The following SPIN1 variants were observed in gnomAD, a reference collection of about 807,000 sequenced individuals.
The protein encoded by SPIN1 is spindlin 1.
Under a neutral mutation model 26.0 loss-of-function variants are expected in SPIN1, and 3 were observed. The observed-to-expected ratio is 0.12, with a 90% CI of 0.05 to 0.30. SPIN1 has a LOEUF of 0.30. SPIN1 is among the 10% of genes least tolerant of loss of function. The pLI is 1.00. For synonymous variants in SPIN1, 101 were observed against 116.5 expected, an observed-to-expected ratio of 0.87 and a Z score of 0.86; for missense variants, 126 against 333.4, an observed-to-expected ratio of 0.38 and a Z score of 4.84.
chr9:88,429,969 A>G (rs1438032894), intron 2 of SPIN1, among the ~76,000 whole-genome samples: 1 of 152,184 alleles, frequency 6.6e-6, no homozygotes, highest in Non-Finnish European at 1.5e-5. Context: ...ACAGTATTAC[A>G]GAAGTATAGC....
In SPIN1 at chr9:88,441,414, T is replaced by TGTGTGTGTGTGTGTGTGC; in HGVS notation, c.53-7526_53-7525insTGTGTGTGTGTGTGTGCG. 2.2e-3 allele frequency among the ~76,000 whole-genome samples: 307 copies of TGTGTGTGTGTGTGTGTGC among 141,258 alleles called. 6 individuals are homozygous for TGTGTGTGTGTGTGTGTGC. The highest frequency in any genetic ancestry group is 8.4e-3 in the African/African-American group (290 of 34,384). 92.7% of individuals were successfully genotyped at this position (141,258 alleles called of 152,430 possible). On this transcript the variant is annotated intron_variant, in intron 2 of 5. Transcript: ENST00000375859. Reference sequence around the variant, plus strand: ...GCTGCCATTCGTGTGTGTGTGTGTGTGCGCGCGCGCGCGCCCATGTGTGTG... The same window carrying TGTGTGTGTGTGTGTGTGC: ...GCTGCCATTCGTGTGTGTGTGTGTGTGTGTGTGTGTGTGTGTGCGCGCGCGCGCGCGCCCATGTGTGTG...
intron 3 of SPIN1, among the ~76,000 whole-genome samples, chr9:88,450,171 G>C (rs977234567): frequency 6.6e-6 from 1 of 152,108 alleles, no homozygotes; most frequent in Non-Finnish European, 1.5e-5. Flanking sequence ...ATATGTTTCT[G>C]CTCATTATCA....
rs531911865 is a variant in SPIN1, at chr9:88,454,081, G to A, written c.101+5092G>A. 2.0e-5 allele frequency among the ~76,000 whole-genome samples: 3 copies of A among 152,248 alleles called. 1 individual carries two copies. In the South Asian group the frequency reaches 6.2e-4, roughly 32 times the overall value. ...CTGGAGTTACGAAACAAGAAAAGAG[G>A]TTATAGATGTTTAATTCTGGCTGCA... On this transcript the variant is annotated intron_variant, in intron 3 of 5. Transcript: ENST00000375859.
rs182377441 is a variant in SPIN1, at chr9:88,422,977, G to T, written c.-158-3405G>T. Reference sequence around the variant, plus strand: ...GTCCACCTCGGCCTCCCAAAATGCTGGGATTACAGGCGTGAGCCACCACAC... The same window carrying T: ...GTCCACCTCGGCCTCCCAAAATGCTTGGATTACAGGCGTGAGCCACCACAC... On this transcript the variant is annotated intron_variant, in intron 1 of 5. Transcript: ENST00000375859. Among the ~76,000 whole-genome samples the T allele has an allele frequency of 5.2e-4, 79 of 152,012 alleles. 1 individual carries two copies. Among genetic ancestry groups the T allele is most frequent in the African/African-American group, 1.8e-3 (76 of 41,466 alleles).
chr9:88,428,219 A>G (rs993384022), intron 2 of SPIN1, among the ~76,000 whole-genome samples: 1 of 152,086 alleles, frequency 6.6e-6, no homozygotes, highest in African/African-American at 2.4e-5. Context: ...GTACGTGTTC[A>G]GGTTTGTTAC....
intron 4 of SPIN1, among the ~76,000 whole-genome samples, chr9:88,467,962 C>A (rs924108696): frequency 6.6e-6 from 1 of 151,814 alleles, no homozygotes; most frequent in Non-Finnish European, 1.5e-5. Context: ...GAACCGTATA[C>A]AGGAACTCTA....
chr9:88,421,360 T>TGGCTCGATCATGGCTCACTGCAGC (rs778345673), intron 1 of SPIN1, among the ~76,000 whole-genome samples: 2 of 152,126 alleles, frequency 1.3e-5, no homozygotes, highest in Non-Finnish European at 1.5e-5. Flanking sequence ...CGAAGTGCAG[T>TGGCTCGATCATGGCTCACTGCAGC]GGCTCGATCA....
chr9:88,405,113 T>G (rs912426378), intron 1 of SPIN1, among the ~76,000 whole-genome samples: 7 of 152,180 alleles, frequency 4.6e-5, no homozygotes, highest in African/African-American at 1.4e-4. Context: ...GTTAACTTTT[T>G]TTATAAATAA....
In SPIN1 at chr9:88,441,414, T is replaced by TGTGTGTGTGTGTGTGTGTGTGTGTGC; in HGVS notation, c.53-7526_53-7525insTGTGTGTGTGTGTGTGTGTGTGTGCG. 1.8e-3 allele frequency among the ~76,000 whole-genome samples: 260 copies of TGTGTGTGTGTGTGTGTGTGTGTGTGC among 141,242 alleles called. 5 individuals carry two copies. The highest frequency in any genetic ancestry group is 6.3e-3 in the African/African-American group (215 of 34,368). The allele number at this position is 141,242 out of a possible 152,430, so 92.7% of individuals were successfully genotyped here. ...GCTGCCATTCGTGTGTGTGTGTGTG[T>TGTGTGTGTGTGTGTGTGTGTGTGTGC]GCGCGCGCGCGCGCCCATGTGTGTG... On this transcript the variant is annotated intron_variant, in intron 2 of 5. Transcript: ENST00000375859.
chr9:88,414,021 T>G (rs1827509689), intron 1 of SPIN1, among the ~76,000 whole-genome samples: 1 of 133,306 alleles, frequency 7.5e-6, no homozygotes, highest in Non-Finnish European at 1.5e-5. Flanking sequence ...TACTTATAGT[T>G]TATTATAGCA....
At position 88,475,619 on chromosome 9, in the gene SPIN1, A is replaced by C. The variant is rs1828875646; in HGVS notation, c.*342A>C. The C allele has an allele frequency of 4.8e-6, 1 of 209,438 alleles. No individual in the cohort carries two copies. Among genetic ancestry groups the C allele is most frequent in the Admixed American group, 5.2e-5 (1 of 19,202 alleles). 13.0% of individuals were successfully genotyped at this position (209,438 alleles called of 1,614,324 possible). ...CTCTCTTATTCTGCCGCCACAATGC[A>C]AGCATAGTTTGATGTTTTCGTTATT... On this transcript the variant is annotated 3_prime_UTR_variant, in exon 6 of 6. Coordinates refer to ENST00000375859, the MANE Select transcript of SPIN1 (RefSeq NM_006717.3).
chr9:88,404,198 G>A (rs1178410735), intron 1 of SPIN1, among the ~76,000 whole-genome samples: 1 of 152,234 alleles, frequency 6.6e-6, no homozygotes, highest in Non-Finnish European at 1.5e-5. Context: ...TTGCAGGATT[G>A]GAAGTTGCTC....
At chr9:88,405,813 T>C (rs1232351417) in intron 1 of SPIN1, among the ~76,000 whole-genome samples, 2 of 151,856 alleles carry the variant, frequency 1.3e-5, no homozygotes, top group African/African-American at 2.4e-5. Flanking sequence ...CACTAGACAA[T>C]AGGAATTTTT....
chr9:88,455,200 C>G (rs1828447992), intron 3 of SPIN1, among the ~76,000 whole-genome samples: 1 of 152,216 alleles, frequency 6.6e-6, no homozygotes, highest in African/African-American at 2.4e-5. Context: ...CGCGGTGGCT[C>G]ACACCTGTAA....
chr9:88,399,103 C>T (rs1375557696), intron 1 of SPIN1, among the ~76,000 whole-genome samples: 1 of 150,984 alleles, frequency 6.6e-6, no homozygotes, highest in African/African-American at 2.4e-5. Flanking sequence ...ACAATCTTGG[C>T]TCACTGCAAC....
At chr9:88,409,312 G>GTT (rs112433361) in intron 1 of SPIN1, among the ~76,000 whole-genome samples, 4 of 150,192 alleles carry the variant, frequency 2.7e-5, no homozygotes, top group African/African-American at 7.3e-5. Flanking sequence ...CTTTTTTCTT[G>GTT]TTTTTTTTTC....
At chr9:88,470,861 C>T (rs937247605) in intron 5 of SPIN1, among the ~76,000 whole-genome samples, 1 of 152,114 alleles carries the variant, frequency 6.6e-6, no homozygotes, top group African/African-American at 2.4e-5. Context: ...CCCAAAGGGC[C>T]GGGATTACAG....
At chr9:88,390,257 T>C (rs531470065) in intron 1 of SPIN1, among the ~76,000 whole-genome samples, 19 of 152,290 alleles carry the variant, frequency 1.2e-4, no homozygotes, top group Non-Finnish European at 2.2e-4. Flanking sequence ...ATGTTGGTCA[T>C]TGGTGTCCTT....
At chr9:88,472,406 T>C (rs1386957384) in intron 5 of SPIN1, among the ~76,000 whole-genome samples, 1 of 151,824 alleles carries the variant, frequency 6.6e-6, no homozygotes, top group Non-Finnish European at 1.5e-5. Context: ...AGCTCATTTT[T>C]GTATTTTAGT....
Sources: gnomAD v4.1 joint callset for allele counts (sites outside exome capture counted in the v4.1 genomes callset) on GRCh38, gnomAD v4.1.1 for gene constraint, MANE v1.5 for transcripts, NCBI Gene and HGNC (gene_info 2026-07-23, HGNC 2026-07-21) for gene names.